The following KL variants were observed in gnomAD, a reference collection of about 807,000 sequenced individuals.
The protein encoded by KL is klotho, also known as alpha-klotho.
A neutral mutation model predicts 84.2 loss-of-function variants in KL; 62 were observed. The ratio of observed to expected loss-of-function variants is 0.74; its 90% confidence interval spans 0.60 to 0.91. The LOEUF (loss-of-function observed/expected upper bound fraction) is 0.91, where lower values mean the gene tolerates loss of function less well. Ranked by LOEUF, KL falls within the 40% of genes least tolerant of loss-of-function variation. The pLI is 0.00. For synonymous variants in KL, 528 were observed against 528.0 expected, an observed-to-expected ratio of 1.00 and a Z score of 0.00; for missense variants, 1,261 against 1,305.7, an observed-to-expected ratio of 0.97 and a Z score of 0.53.
At position 33,029,622 on chromosome 13, in the gene KL, GTTAT is replaced by G. The variant is rs573407299; in HGVS notation, c.819+12386_819+12389del. 3.2e-4 allele frequency among the ~76,000 whole-genome samples: 49 copies of G among 152,090 alleles called. 1 individual carries two copies. Among genetic ancestry groups the G allele is most frequent in the Admixed American group, 9.8e-4 (15 of 15,280 alleles). ...CAGCTATAAGAGTAGCTGAGACTAGGTTATTTATTTATTTATTTATTTATTTTTT... is the reference window on the plus strand; with the variant it reads ...CAGCTATAAGAGTAGCTGAGACTAGGTTATTTATTTATTTATTTATTTTTT... On this transcript the variant is annotated intron_variant, in intron 1 of 4. Transcript: ENST00000380099.
chr13:33,035,014 A>T (rs756518157), intron 1 of KL, among the ~76,000 whole-genome samples: 1 of 152,222 alleles, frequency 6.6e-6, no homozygotes, highest in African/African-American at 2.4e-5. Flanking sequence ...GGTTGATTTC[A>T]CAAGTGGAGT....
At chr13:33,051,175 C>T (rs1466785082) in intron 1 of KL, among the ~76,000 whole-genome samples, 1 of 152,198 alleles carries the variant, frequency 6.6e-6, no homozygotes, top group Non-Finnish European at 1.5e-5. Flanking sequence ...TTAGTCCTCA[C>T]AACAGTCCTG....
intron 3 of KL, 29 bp downstream of exon 3, chr13:33,055,344 G>A (rs367577680): frequency 6.2e-7 from 1 of 1,613,874 alleles, no homozygotes; most frequent in Non-Finnish European, 8.5e-7. Context: ...CCAATCAGCA[G>A]TCTCACCAAG....
chr13:33,037,038 G>A (rs1313696632), intron 1 of KL, among the ~76,000 whole-genome samples: 5 of 152,150 alleles, frequency 3.3e-5, no homozygotes, highest in Non-Finnish European at 7.4e-5. Context: ...AAAGCAAAAT[G>A]CTATGATACT....
intron 1 of KL, among the ~76,000 whole-genome samples, chr13:33,027,068 A>C (rs1166829408): frequency 6.6e-6 from 1 of 152,152 alleles, no homozygotes; most frequent in African/African-American, 2.4e-5. Flanking sequence ...TTCCGGAGAA[A>C]GTGTTCCCTA....
intron 1 of KL, among the ~76,000 whole-genome samples, chr13:33,026,939 A>C (rs905568398): frequency 1.3e-5 from 2 of 152,150 alleles, no homozygotes; most frequent in African/African-American, 4.8e-5. Context: ...TTAGGGCAAC[A>C]ATGTCAGGCA....
chr13:33,018,010 C>T (rs978312050), intron 1 of KL, among the ~76,000 whole-genome samples: 14 of 152,208 alleles, frequency 9.2e-5, no homozygotes, highest in African/African-American at 3.4e-4. Flanking sequence ...AATTGTAACA[C>T]CCTTGTGCAA....
intron 1 of KL, among the ~76,000 whole-genome samples, chr13:33,042,772 C>T (rs1022828634): frequency 5.3e-5 from 8 of 152,152 alleles, no homozygotes; most frequent in African/African-American, 1.9e-4. Flanking sequence ...GCTTCTGCCA[C>T]GTGGGTCCAA....
At chr13:33,062,967 A>C (rs930939632) in intron 4 of KL, among the ~76,000 whole-genome samples, 1 of 152,040 alleles carries the variant, frequency 6.6e-6, no homozygotes, top group Non-Finnish European at 1.5e-5. Flanking sequence ...GGGAAAATGA[A>C]GTAACAGGTT....
Position 33,021,251 on chromosome 13 carries a change from A to G in KL, c.819+3992A>G, listed in dbSNP as rs534997970. ...AATGGAACAGAGACTACCAAATCCT[A>G]ATCTGATAAGGAAAAATAGGTAAAC... On this transcript the variant is annotated intron_variant, in intron 1 of 4. Coordinates refer to ENST00000380099, the MANE Select transcript of KL (RefSeq NM_004795.4). 2.6e-5 allele frequency among the ~76,000 whole-genome samples: 4 copies of G among 152,286 alleles called. No homozygotes were observed. In the South Asian group the frequency reaches 8.3e-4, roughly 32 times the overall value.
chr13:33,020,990 G>A (rs211234), intron 1 of KL, among the ~76,000 whole-genome samples: 48,058 of 151,932 alleles, frequency 0.32, 8,777 homozygotes, highest in Admixed American at 0.44. Context: ...ACAGGACTTC[G>A]CTTTGCTCAG....
At chr13:33,054,946 C>T in intron 2 of KL, 101 bp from the exon 3 acceptor site, 1 of 1,452,944 alleles carries the variant, frequency 6.9e-7, no homozygotes, top group Non-Finnish European at 9.6e-7. Context: ...AGAAGCATTA[C>T]ACTTTATTTA....
chr13:33,041,128 A>G (rs1871325263), intron 1 of KL, among the ~76,000 whole-genome samples: 1 of 152,078 alleles, frequency 6.6e-6, no homozygotes, highest in Non-Finnish European at 1.5e-5. Context: ...CATTACCCAG[A>G]CACAATGAGT....
chr13:33,023,354 T>A (rs1870641870), intron 1 of KL, among the ~76,000 whole-genome samples: 1 of 152,152 alleles, frequency 6.6e-6, no homozygotes, highest in Non-Finnish European at 1.5e-5. Flanking sequence ...AGCTATAAAT[T>A]TATCATTAAT....
intron 1 of KL, among the ~76,000 whole-genome samples, chr13:33,023,400 G>A (rs1218518962): frequency 6.6e-6 from 1 of 152,126 alleles, no homozygotes; most frequent in Non-Finnish European, 1.5e-5. Flanking sequence ...TTGAGAAATG[G>A]TCCTCTTGAG....
chr13:33,023,094 G>A (rs1332614022), intron 1 of KL, among the ~76,000 whole-genome samples: 1 of 152,192 alleles, frequency 6.6e-6, no homozygotes, highest in Non-Finnish European at 1.5e-5. Flanking sequence ...TGACCTGGAA[G>A]CTGCACCTAT....
At chr13:33,048,910 C>T (rs1441735023) in intron 1 of KL, among the ~76,000 whole-genome samples, 1 of 152,174 alleles carries the variant, frequency 6.6e-6, no homozygotes, top group African/African-American at 2.4e-5. Context: ...TTTTCCTCGA[C>T]TTCCAAAATT....
At chr13:33,040,906 T>C (rs901113181) in intron 1 of KL, among the ~76,000 whole-genome samples, 1 of 152,200 alleles carries the variant, frequency 6.6e-6, no homozygotes, top group Non-Finnish European at 1.5e-5. Context: ...ACATGCAACA[T>C]GTAACATCCA....
At position 33,065,295 on chromosome 13, in the gene KL, C is replaced by A. The variant is rs1872368693; in HGVS notation, c.*1109C>A. 4.7e-6 allele frequency: 1 copy of A among 212,440 alleles called. No individual in the cohort carries two copies. Among genetic ancestry groups the A allele is most frequent in the African/African-American group, 2.3e-5 (1 of 44,128 alleles). The allele number at this position is 212,440 out of a possible 1,614,324, so 13.2% of individuals were successfully genotyped here. A position where few individuals can be genotyped will look rare whatever the true frequency, so the allele number is the denominator to read the frequency against. On this transcript the variant is annotated 3_prime_UTR_variant, in exon 5 of 5. Transcript: ENST00000380099. Reference sequence around the variant, plus strand: ...CTCTGAGGTCTATTTTATGTTTTTGCTGCTACTTCTGTGGAAGTAGCTTTG... The same window carrying A: ...CTCTGAGGTCTATTTTATGTTTTTGATGCTACTTCTGTGGAAGTAGCTTTG...
Sources: allele counts gnomAD v4.1 joint callset (sites outside exome capture counted in the v4.1 genomes callset), GRCh38; gene constraint gnomAD v4.1.1; transcripts MANE v1.5; gene names NCBI Gene and HGNC (gene_info 2026-07-23, HGNC 2026-07-21).